The following TMEM200A variants were observed in gnomAD, a reference collection of about 807,000 sequenced individuals.
TMEM200A encodes the protein two transmembrane C.
Under a neutral mutation model 24.3 loss-of-function variants are expected in TMEM200A, and 12 were observed. The observed-to-expected ratio is 0.49, with a 90% CI of 0.32 to 0.80. The LOEUF is 0.80. Ranked by LOEUF, TMEM200A falls within the 30% of genes least tolerant of loss-of-function variation. TMEM200A has a pLI of 0.04. For synonymous variants in TMEM200A, 224 were observed against 224.4 expected (o/e 1.00, Z 0.02); for missense variants, 545 against 614.4 (o/e 0.89, Z 1.19).
chr6:130,380,866 A>C (rs1778579440), intron 1 of TMEM200A, among the ~76,000 whole-genome samples: 1 of 152,206 alleles, frequency 6.6e-6, no homozygotes, highest in South Asian at 2.1e-4. Context: ...TCATGCCTGT[A>C]ATCCTAGCAC....
chr6:130,393,546 G>C (rs755485411), intron 2 of TMEM200A, among the ~76,000 whole-genome samples: 12 of 152,214 alleles, frequency 7.9e-5, no homozygotes, highest in Non-Finnish European at 1.5e-4. Flanking sequence ...CCTGAGCAAA[G>C]ATCATGTTCA....
chr6:130,400,970 G>A (rs1562559040), intron 2 of TMEM200A, among the ~76,000 whole-genome samples: 2 of 152,004 alleles, frequency 1.3e-5, no homozygotes, highest in African/African-American at 4.8e-5. Context: ...TTACATCTAG[G>A]TCTGAAATTT....
intron 1 of TMEM200A, among the ~76,000 whole-genome samples, chr6:130,378,368 G>C (rs1468784565): frequency 1.3e-5 from 2 of 151,282 alleles, no homozygotes; most frequent in African/African-American, 2.4e-5. Context: ...AGGCCTGCCT[G>C]ATAGGGCCTG....
chr6:130,366,561 G>T lies in TMEM200A; in HGVS notation c.-81+37G>T. ...GAAAGGGTGCTGACGGGAGTGGGGA[G>T]GTGGGTGGGCGGCCACCGCAGCCGA... is the stretch of plus-strand genomic sequence containing the variant. On this transcript the variant is annotated intron_variant, in intron 1 of 2. Transcript: ENST00000296978. The surrounding 1 kb of genome is among the most constrained non-coding windows in gnomAD (Gnocchi z 4.4). 1.0e-6 allele frequency: 1 copy of T among 985,734 alleles called. No homozygotes were observed. The highest frequency in any genetic ancestry group is 1.2e-6 in the Non-Finnish European group (1 of 830,190). 61.1% of individuals were successfully genotyped at this position (985,734 alleles called of 1,614,324 possible). A position where few individuals can be genotyped will look rare whatever the true frequency, so the allele number is the denominator to read the frequency against.
chr6:130,389,199 G>A (rs1410458417), intron 2 of TMEM200A, among the ~76,000 whole-genome samples: 1 of 152,114 alleles, frequency 6.6e-6, no homozygotes, highest in Admixed American at 6.5e-5. Context: ...TGAAGATTTA[G>A]TATTGATAAA....
rs918225402 is a variant in TMEM200A, at chr6:130,442,492, A to T, written c.*594A>T. On this transcript the variant is annotated 3_prime_UTR_variant, in exon 3 of 3. Coordinates refer to ENST00000296978, the MANE Select transcript of TMEM200A (RefSeq NM_001258277.2). ...TTTTTTCAATATCACTTCTGTTTTTAGTGATATTATATCAAGAAACAACGT... is the reference window on the plus strand; with the variant it reads ...TTTTTTCAATATCACTTCTGTTTTTTGTGATATTATATCAAGAAACAACGT... 1.2e-5 allele frequency: 2 copies of T among 166,392 alleles called. No individual in the cohort carries two copies. Among genetic ancestry groups the T allele is most frequent in the African/African-American group, 4.8e-5 (2 of 41,450 alleles). The allele number at this position is 166,392 out of a possible 1,614,324, so 10.3% of individuals were successfully genotyped here.
intron 2 of TMEM200A, among the ~76,000 whole-genome samples, chr6:130,421,535 T>C (rs867635330): frequency 6.6e-6 from 1 of 151,692 alleles, no homozygotes; most frequent in Non-Finnish European, 1.5e-5. Flanking sequence ...TGTGTGTGTG[T>C]GCATGCGTAC....
rs1321621399 is a variant in TMEM200A at position 130,441,801 on chromosome 6, T to C, written c.1379T>C (p.Leu460Pro). The change falls in exon 3 of 3, where the codon CTT becomes CCT. Residue 460 changes from leucine (L) to proline (P), a missense_variant. By Grantham distance (98) the Leu-to-Pro change is moderately conservative. Coordinates refer to ENST00000296978, the MANE Select transcript of TMEM200A (RefSeq NM_001258277.2). ...IKKDFTNKEK[L>P]LMISRSHNNL... ...AAGGACTTTACCAATAAGGAGAAGC[T>C]TCTTATGATTTCAAGATCTCACAAT... The C allele has an allele frequency of 6.2e-7, 1 of 1,614,070 alleles. No homozygotes were observed. The highest frequency in any genetic ancestry group is 1.1e-5 in the South Asian group (1 of 91,062).
intron 1 of TMEM200A, among the ~76,000 whole-genome samples, chr6:130,375,823 G>A (rs1778443826): frequency 6.6e-6 from 1 of 152,098 alleles, no homozygotes; most frequent in African/African-American, 2.4e-5. Flanking sequence ...AGAGTGCAAA[G>A]TATTACCTCA....
intron 2 of TMEM200A, among the ~76,000 whole-genome samples, chr6:130,396,349 G>T (rs1453354250): frequency 1.4e-5 from 2 of 147,274 alleles, no homozygotes. Flanking sequence ...ACTTATTTTG[G>T]ATTCTGACCA....
intron 2 of TMEM200A, among the ~76,000 whole-genome samples, chr6:130,408,380 T>C (rs1178678904): frequency 2.0e-5 from 3 of 152,216 alleles, no homozygotes; most frequent in African/African-American, 7.2e-5. Flanking sequence ...TTTGAGACAC[T>C]GCTTTTGTCT....
chr6:130,431,630 A>G (rs868390350), intron 2 of TMEM200A, among the ~76,000 whole-genome samples: 2 of 152,272 alleles, frequency 1.3e-5, no homozygotes, highest in Middle Eastern at 3.4e-3. Flanking sequence ...ACAGGGTCTC[A>G]GCAGGGTGTT....
chr6:130,440,378 A>ATCTT, intron 2 of TMEM200A, 29 bp from the exon 3 acceptor site: 2 of 1,502,354 alleles, frequency 1.3e-6, no homozygotes, highest in Non-Finnish European at 1.8e-6. Context: ...TATTTACATC[A>ATCTT]TCTTTTTCCT....
chr6:130,400,127 A>G (rs1258959991), intron 2 of TMEM200A, among the ~76,000 whole-genome samples: 6 of 151,674 alleles, frequency 4.0e-5, no homozygotes, highest in African/African-American at 1.5e-4. Flanking sequence ...CACACACCAC[A>G]GTTTCTTTAT....
At chr6:130,399,224 G>A (rs1331139702) in intron 2 of TMEM200A, among the ~76,000 whole-genome samples, 6 of 151,730 alleles carry the variant, frequency 4.0e-5, no homozygotes, top group African/African-American at 7.3e-5. Flanking sequence ...TTTTTCTTGT[G>A]TAATGTTTTA....
chr6:130,390,454 G>T (rs566261785), intron 2 of TMEM200A, among the ~76,000 whole-genome samples: 14 of 152,214 alleles, frequency 9.2e-5, no homozygotes, highest in Admixed American at 5.2e-4. Flanking sequence ...TTTAATCTCA[G>T]TGAGCTCTTT....
At chr6:130,404,738 T>C (rs961788206) in intron 2 of TMEM200A, among the ~76,000 whole-genome samples, 4 of 152,138 alleles carry the variant, frequency 2.6e-5, no homozygotes, top group African/African-American at 7.2e-5. Flanking sequence ...TGTCATGGAA[T>C]CTTTGCCCTT....
At chr6:130,369,762 A>T (rs921007510) in intron 1 of TMEM200A, among the ~76,000 whole-genome samples, 9 of 152,214 alleles carry the variant, frequency 5.9e-5, no homozygotes, top group African/African-American at 1.9e-4. Flanking sequence ...AAACTTTGTC[A>T]CCAGAGGTGA....
rs562301384 is a variant in TMEM200A, at chr6:130,373,986, A to T, written c.-81+7462A>T. On this transcript the variant is annotated intron_variant, in intron 1 of 2. Transcript: ENST00000296978. ...CCCAAATCTCCCTTTTAGAATGTAG[A>T]CTATGTAAGATATTGTGATTCATTT... Among the ~76,000 whole-genome samples the T allele has an allele frequency of 1.7e-3, 262 of 152,158 alleles. 1 individual carries two copies. Among genetic ancestry groups the T allele is most frequent in the Middle Eastern group, 3.4e-3 (1 of 294 alleles).
Sources: gnomAD v4.1 joint callset for allele counts (sites outside exome capture counted in the v4.1 genomes callset) on GRCh38, gnomAD v4.1.1 for gene constraint, Gnocchi (gnomAD v3.1) non-coding constraint, MANE v1.5 for transcripts, NCBI Gene and HGNC (gene_info 2026-07-23, HGNC 2026-07-21) for gene names.